PIP5K1C: variants seen among roughly 807,000 people sequenced by gnomAD.
PIP5K1C encodes phosphatidylinositol-4-phosphate 5-kinase type 1 gamma.
In PIP5K1C, 45 loss-of-function variants were observed where a neutral mutation model predicts 80.1. That is an observed-to-expected ratio of 0.56 (90% CI 0.44 to 0.72). The LOEUF (loss-of-function observed/expected upper bound fraction) is 0.72, where lower values mean the gene tolerates loss of function less well. Among genes scored for constraint, PIP5K1C ranks in the 30% least tolerant of loss-of-function variants. The pLI is 0.00. For synonymous variants in PIP5K1C, 498 were observed against 420.1 expected, an observed-to-expected ratio of 1.19 and a Z score of -2.27; for missense variants, 753 against 954.6, an observed-to-expected ratio of 0.79 and a Z score of 2.78.
chr19:3,657,532 C>T (rs1306189335), intron 5 of PIP5K1C, among the ~76,000 whole-genome samples: 3 of 152,150 alleles, frequency 2.0e-5, no homozygotes, highest in East Asian at 1.9e-4. Flanking sequence ...ATCTGCTGGA[C>T]GACAGAAGGG....
rs1370282082 is a variant in PIP5K1C at position 3,688,754 on chromosome 19, TG to T, written c.94+11542del. On this transcript the variant is annotated intron_variant, in intron 1 of 17. Transcript: ENST00000335312. This position sits in a 1 kb window ranked among gnomAD's most constrained non-coding sequence, Gnocchi z 5.3. ...GGAAAGAGAGAGAGAGAGAGGAGAG[TG>T]GGGGGAGAACGAGAGCGAGAGACAC... 8.0e-6 allele frequency among the ~76,000 whole-genome samples: 1 copy of T among 125,332 alleles called. No homozygotes were observed. Among genetic ancestry groups the T allele is most frequent in the Non-Finnish European group, 1.7e-5 (1 of 57,794 alleles). The allele number at this position is 125,332 out of a possible 152,430, so 82.2% of individuals were successfully genotyped here. A position where few individuals can be genotyped will look rare whatever the true frequency, so the allele number is the denominator to read the frequency against.
chr19:3,679,958 C>T (rs529847281), intron 1 of PIP5K1C, among the ~76,000 whole-genome samples: 3 of 152,334 alleles, frequency 2.0e-5, no homozygotes, highest in Non-Finnish European at 4.4e-5. Context: ...AGACACTGCC[C>T]GGGCTATGGT....
intron 11 of PIP5K1C, 97 bp from the exon 12 acceptor site, chr19:3,644,348 G>T: frequency 2.4e-6 from 3 of 1,249,268 alleles, no homozygotes; most frequent in Non-Finnish European, 3.4e-6. Flanking sequence ...CGTCCCTGTG[G>T]CCCACCAGAC....
At chr19:3,634,096 G>A (rs2145360978) in intron 16 of PIP5K1C, among the ~76,000 whole-genome samples, 1 of 152,258 alleles carries the variant, frequency 6.6e-6, no homozygotes, top group Middle Eastern at 3.4e-3. Flanking sequence ...CCCTGCAAGA[G>A]CCAGGAGACG....
rs758447439 is a variant in PIP5K1C, at chr19:3,646,078, G to A, written c.1261-20C>T. ...CGTGTCCTGGAAGAGAGTTGGGGGG[G>A]GTGCCCGGGGGCAGAGGGTGCATCA... On this transcript the variant is annotated intron_variant, in intron 10 of 17. Transcript: ENST00000335312. The A allele has an allele frequency of 1.3e-6, 2 of 1,536,016 alleles. No individual in the cohort carries two copies. The highest frequency in any genetic ancestry group is 1.7e-5 in the Admixed American group (1 of 59,902).
At chr19:3,674,716 T>C (rs926726970) in intron 1 of PIP5K1C, among the ~76,000 whole-genome samples, 4 of 152,244 alleles carry the variant, frequency 2.6e-5, no homozygotes, top group Admixed American at 6.5e-5. Context: ...TTACCCAGGA[T>C]GGTCTCAATC....
chr19:3,698,234 A>C (rs921512563), intron 1 of PIP5K1C, among the ~76,000 whole-genome samples: 3 of 152,222 alleles, frequency 2.0e-5, no homozygotes, highest in African/African-American at 7.2e-5. Flanking sequence ...CCGGCACGAC[A>C]ATCACCAAGC....
chr19:3,655,369 G>A (rs907847302), intron 6 of PIP5K1C, among the ~76,000 whole-genome samples: 1 of 152,184 alleles, frequency 6.6e-6, no homozygotes, highest in African/African-American at 2.4e-5. Context: ...AGTGAGCCAA[G>A]ATGGCACCAC....
chr19:3,685,205 G>A (rs575617699), intron 1 of PIP5K1C, among the ~76,000 whole-genome samples: 80 of 152,206 alleles, frequency 5.3e-4, no homozygotes, highest in Non-Finnish European at 1.1e-3. Flanking sequence ...TCACACGGCT[G>A]GGGGTGATGC....
intron 15 of PIP5K1C, among the ~76,000 whole-genome samples, chr19:3,641,475 C>T (rs1276098468): frequency 6.6e-6 from 1 of 152,164 alleles, no homozygotes; most frequent in Non-Finnish European, 1.5e-5. Context: ...CCAGTTCTAA[C>T]AGTCACAAAT....
rs570778100 is a variant in PIP5K1C, at chr19:3,676,334, G to A, written c.95-8981C>T. On this transcript the variant is annotated intron_variant, in intron 1 of 17. Coordinates refer to ENST00000335312, the MANE Select transcript of PIP5K1C (RefSeq NM_012398.3). The stretch of plus-strand genomic sequence containing the variant: ...CCGTAAACTGTCACCCGGTACATCC[G>A]CGGTCCCCGGCACCCACCACTCCCA... 2.4e-3 allele frequency among the ~76,000 whole-genome samples: 363 copies of A among 152,286 alleles called. 3 individuals carry two copies. The highest frequency in any genetic ancestry group is 8.1e-3 in the African/African-American group (336 of 41,558).
chr19:3,694,211 C>CAAAA (rs1175485721), intron 1 of PIP5K1C, among the ~76,000 whole-genome samples: 3 of 57,498 alleles, frequency 5.2e-5, no homozygotes, highest in Admixed American at 2.0e-4. Context: ...GACTCCATCT[C>CAAAA]AAAAAAAAAA....
At chr19:3,649,039 G>A (rs1459824501) in intron 8 of PIP5K1C, among the ~76,000 whole-genome samples, 1 of 149,566 alleles carries the variant, frequency 6.7e-6, no homozygotes, top group Admixed American at 6.8e-5. Flanking sequence ...GTACAGACTG[G>A]GGAGTTAATT....
At chr19:3,690,662 C>T (rs553552434) in intron 1 of PIP5K1C, among the ~76,000 whole-genome samples, 8 of 152,150 alleles carry the variant, frequency 5.3e-5, no homozygotes, top group South Asian at 2.1e-4. Flanking sequence ...ACCTGCCAGA[C>T]GTTAACAATC....
In PIP5K1C at chr19:3,631,674, T is replaced by C. The variant is rs1369874788; in HGVS notation, c.*1493A>G. ...TGGGGACCTCGGGGATGGGTCCGGC[T>C]TCTCCACAGCAGGGGCCTTCCGGGC... On this transcript the variant is annotated 3_prime_UTR_variant, in exon 18 of 18. Transcript: ENST00000335312. The C allele has an allele frequency of 6.6e-6, 1 of 152,404 alleles. No individual in the cohort carries two copies. The highest frequency in any genetic ancestry group is 1.5e-5 in the Non-Finnish European group (1 of 68,206). The allele number at this position is 152,404 out of a possible 1,614,324, so 9.4% of individuals were successfully genotyped here.
intron 1 of PIP5K1C, among the ~76,000 whole-genome samples, chr19:3,690,800 C>G (rs2035923597): frequency 6.6e-6 from 1 of 152,166 alleles, no homozygotes; most frequent in Admixed American, 6.5e-5. Flanking sequence ...CTGGGAAAGA[C>G]ACAATCATAC....
At chr19:3,675,681 C>T (rs923437312) in intron 1 of PIP5K1C, among the ~76,000 whole-genome samples, 21 of 152,270 alleles carry the variant, frequency 1.4e-4, no homozygotes, top group Non-Finnish European at 2.2e-4. Flanking sequence ...CACATGCAAA[C>T]GGCTTGGGGG....
At position 3,637,606 on chromosome 19, in the gene PIP5K1C, T is replaced by A. The variant is rs1277128384; in HGVS notation, c.1920+1278A>T. On this transcript the variant is annotated intron_variant, in intron 16 of 17. Coordinates refer to ENST00000335312, the MANE Select transcript of PIP5K1C (RefSeq NM_012398.3). This position sits in a 1 kb window ranked among gnomAD's most constrained non-coding sequence, Gnocchi z 7.0. ...GGGAGAGTAAATCCAGTACCTCCCA[T>A]CCGTGAACTGGACGGGGCGGGCCGG... is the stretch of plus-strand genomic sequence containing the variant. 1.4e-6 allele frequency: 1 copy of A among 704,164 alleles called. No homozygotes were observed. The highest frequency in any genetic ancestry group is 2.1e-6 in the Non-Finnish European group (1 of 474,130). The allele number at this position is 704,164 out of a possible 1,614,324, so 43.6% of individuals were successfully genotyped here.
At chr19:3,676,418 C>T (rs1003866273) in intron 1 of PIP5K1C, among the ~76,000 whole-genome samples, 3 of 152,204 alleles carry the variant, frequency 2.0e-5, no homozygotes, top group Non-Finnish European at 4.4e-5. Flanking sequence ...TGTTTGGGTT[C>T]GGTCAACTCT....
Sources: allele counts gnomAD v4.1 joint callset (sites outside exome capture counted in the v4.1 genomes callset), GRCh38; gene constraint gnomAD v4.1.1; non-coding constraint Gnocchi (gnomAD v3.1); transcripts MANE v1.5; gene names NCBI Gene and HGNC (gene_info 2026-07-23, HGNC 2026-07-21).